The following ULK4 variants were observed in gnomAD, a reference collection of about 807,000 sequenced individuals.
ULK4 encodes the protein inactive serine/threonine-protein kinase ULK4.
In ULK4, 133 loss-of-function variants were observed where a neutral mutation model predicts 160.6. The ratio of observed to expected loss-of-function variants is 0.83; its 90% CI spans 0.72 to 0.96. The LOEUF is 0.96. ULK4 is among the 40% of genes least tolerant of loss of function. The pLI is 0.00. For synonymous variants in ULK4, 534 were observed against 539.8 expected (o/e 0.99, Z 0.15); for missense variants, 1,580 against 1,499.5 (o/e 1.05, Z -0.89).
At position 41,486,584 on chromosome 3, in the gene ULK4, G is replaced by A. The variant is rs2084543397; in HGVS notation, c.3227-23331C>T. Among the ~76,000 whole-genome samples the A allele has an allele frequency of 2.0e-5, 3 of 152,260 alleles. No individual in the cohort carries two copies. The South Asian group carries it at 6.2e-4, about 32-fold the overall frequency. The stretch of plus-strand genomic sequence containing the variant: ...ATGGGGAGGAAGCATGGAGGTAGAT[G>A]GCCTAACTAGAAGTAGAGCAATTTG... On this transcript the variant is annotated intron_variant, in intron 32 of 36. Transcript: ENST00000301831.
chr3:41,947,763 A>G (rs1400750664), intron 2 of ULK4, among the ~76,000 whole-genome samples: 1 of 152,222 alleles, frequency 6.6e-6, no homozygotes, highest in East Asian at 1.9e-4. Context: ...TTGGACAACC[A>G]TTTGAATGGA....
intron 30 of ULK4, among the ~76,000 whole-genome samples, chr3:41,658,760 T>C (rs1018360833): frequency 1.9e-3 from 172 of 90,172 alleles, no homozygotes; most frequent in African/African-American, 0.014. Flanking sequence ...CACACACACA[T>C]ATATACTGGC....
chr3:41,825,591 G>A (rs1324109764), intron 18 of ULK4, among the ~76,000 whole-genome samples: 1 of 152,150 alleles, frequency 6.6e-6, no homozygotes, highest in African/African-American at 2.4e-5. Context: ...ATGAAATGAA[G>A]CAAGAAGAGA....
intron 32 of ULK4, among the ~76,000 whole-genome samples, chr3:41,492,360 T>G (rs1370684869): frequency 6.6e-6 from 1 of 151,856 alleles, no homozygotes; most frequent in African/African-American, 2.4e-5. Context: ...AGTGTAAAAG[T>G]GTTCCTATTT....
At chr3:41,655,826 A>G (rs1453883932) in intron 30 of ULK4, among the ~76,000 whole-genome samples, 2 of 152,260 alleles carry the variant, frequency 1.3e-5, no homozygotes, top group African/African-American at 4.8e-5. Flanking sequence ...AGTTTAACAA[A>G]TATCTCAAAC....
intron 17 of ULK4, among the ~76,000 whole-genome samples, chr3:41,881,936 C>A (rs1473270413): frequency 1.3e-5 from 2 of 152,156 alleles, no homozygotes; most frequent in Admixed American, 6.5e-5. Flanking sequence ...TGAGTGAGAA[C>A]AGGTAACAAA....
At chr3:41,428,898 T>C (rs984520140) in intron 34 of ULK4, among the ~76,000 whole-genome samples, 3 of 151,572 alleles carry the variant, frequency 2.0e-5, no homozygotes, top group East Asian at 3.9e-4. Flanking sequence ...CAAAGGAAAA[T>C]TGACAAATGG....
chr3:41,373,591 G>T (rs1435692704), intron 35 of ULK4, among the ~76,000 whole-genome samples: 1 of 152,118 alleles, frequency 6.6e-6, no homozygotes, highest in Admixed American at 6.6e-5. Flanking sequence ...AAACCAATGA[G>T]AATAAAGACA....
intron 19 of ULK4, among the ~76,000 whole-genome samples, chr3:41,803,591 C>G (rs1043928792): frequency 6.6e-6 from 1 of 152,082 alleles, no homozygotes; most frequent in Non-Finnish European, 1.5e-5. Flanking sequence ...CCCATTAACT[C>G]GTCATTTAAC....
At chr3:41,597,714 G>T (rs1236283888) in intron 31 of ULK4, among the ~76,000 whole-genome samples, 3 of 152,142 alleles carry the variant, frequency 2.0e-5, no homozygotes, top group African/African-American at 7.2e-5. Context: ...GCTTCTCTTT[G>T]ATTACTGCCC....
In ULK4 at chr3:41,739,203, G is replaced by A. The variant is rs114032790; in HGVS notation, c.2321+15158C>T. Among the ~76,000 whole-genome samples, 131 of 152,068 alleles carry A rather than the reference G, an allele frequency of 8.6e-4. 4 individuals are homozygous for A. The highest frequency in any genetic ancestry group is 3.1e-3 in the African/African-American group (127 of 41,344). On this transcript the variant is annotated intron_variant, in intron 22 of 36. Transcript: ENST00000301831. The stretch of plus-strand genomic sequence containing the variant: ...TGAGTCAATCAATATAAGAGACTGA[G>A]TTTCAACATGTCAAAAAATATAGCA...
At chr3:41,647,617 C>G (rs2034562836) in intron 30 of ULK4, among the ~76,000 whole-genome samples, 1 of 152,202 alleles carries the variant, frequency 6.6e-6, no homozygotes, top group South Asian at 2.1e-4. Context: ...GGGGGTGCCT[C>G]CCAGTTAGGC....
chr3:41,912,783 T>C, intron 9 of ULK4, 24 bp downstream of exon 9: 7 of 1,602,280 alleles, frequency 4.4e-6, no homozygotes, highest in South Asian at 2.2e-5. Flanking sequence ...CTATGTCCCA[T>C]ACACAAAGGT....
chr3:41,536,853 A>C (rs1015470141), intron 32 of ULK4, among the ~76,000 whole-genome samples: 13 of 108,378 alleles, frequency 1.2e-4, no homozygotes, highest in African/African-American at 4.4e-4. Context: ...AATACATCAT[A>C]ATTTGTCTTT....
chr3:41,336,467 C>T (rs2080557751), intron 35 of ULK4, among the ~76,000 whole-genome samples: 1 of 152,218 alleles, frequency 6.6e-6, no homozygotes, highest in Non-Finnish European at 1.5e-5. Flanking sequence ...TGTGTCACTT[C>T]TTCTGGACAA....
chr3:41,655,825 A>C (rs1405796099), intron 30 of ULK4, among the ~76,000 whole-genome samples: 3 of 152,356 alleles, frequency 2.0e-5, no homozygotes, highest in African/African-American at 7.2e-5. Context: ...CAGTTTAACA[A>C]ATATCTCAAA....
In ULK4 at chr3:41,473,519, G is replaced by C. The variant is rs530775683; in HGVS notation, c.3227-10266C>G. 2.2e-4 allele frequency among the ~76,000 whole-genome samples: 34 copies of C among 151,640 alleles called. 1 individual carries two copies. Among genetic ancestry groups the C allele is most frequent in the Admixed American group, 2.1e-3 (32 of 15,238 alleles). On this transcript the variant is annotated intron_variant, in intron 32 of 36. Coordinates refer to ENST00000301831, the MANE Select transcript of ULK4 (RefSeq NM_017886.4). The stretch of plus-strand genomic sequence containing the variant: ...TCTACTAAAAATACAAAAATTAGCC[G>C]GGCATGGTGGAACATGCCTGTAATC...
At chr3:41,890,498 G>A (rs140777695) in intron 16 of ULK4, among the ~76,000 whole-genome samples, 8,315 of 151,612 alleles carry the variant, frequency 0.055, 418 homozygotes, top group East Asian at 0.16. Flanking sequence ...TGGCCAACAT[G>A]GTGAAAACCC....
chr3:41,818,207 A>G (rs975322070), intron 19 of ULK4, among the ~76,000 whole-genome samples: 4 of 152,092 alleles, frequency 2.6e-5, no homozygotes, highest in Admixed American at 2.6e-4. Context: ...GAAAACCAGT[A>G]TATCAAAGAG....
Sources: gnomAD v4.1 joint callset for allele counts (sites outside exome capture counted in the v4.1 genomes callset) on GRCh38, gnomAD v4.1.1 for gene constraint, MANE v1.5 for transcripts, NCBI Gene and HGNC (gene_info 2026-07-23, HGNC 2026-07-21) for gene names.